CSMD3: variants seen among roughly 807,000 people sequenced by gnomAD.
CSMD3 encodes CUB and sushi domain-containing protein 3.
A neutral mutation model predicts 435.2 loss-of-function variants in CSMD3; 177 were observed. The observed-to-expected ratio is 0.41, with a 90% CI of 0.36 to 0.46. The LOEUF is 0.46. CSMD3 is among the 20% of genes least tolerant of loss of function. The probability of loss-of-function intolerance (pLI) is 0.34; values close to 1 mark genes in which losing one functional copy is unlikely to be tolerated. For missense variants in CSMD3, 4,265 were observed against 4,504.6 expected (o/e 0.95, Z 1.52); for synonymous variants, 1,656 against 1,520.5 (o/e 1.09, Z -2.07).
intron 3 of CSMD3, among the ~76,000 whole-genome samples, chr8:113,273,355 G>A (rs1473144788): frequency 2.6e-5 from 4 of 151,370 alleles, no homozygotes; most frequent in South Asian, 4.2e-4. Context: ...CCTTGTTATC[G>A]GTGACTTTGT....
At chr8:112,471,157 A>C (rs1347304598) in intron 32 of CSMD3, among the ~76,000 whole-genome samples, 1 of 152,152 alleles carries the variant, frequency 6.6e-6, no homozygotes, top group African/African-American at 2.4e-5. Flanking sequence ...TAAATGGCTA[A>C]TTTTCCTCTT....
rs183836359 is a variant in CSMD3 at position 113,230,775 on chromosome 8, T to G, written c.514+47817A>C. On this transcript the variant is annotated intron_variant, in intron 3 of 70. Coordinates refer to ENST00000297405, the MANE Select transcript of CSMD3 (RefSeq NM_198123.2). ...CATGTTGGTTTTTTATGTTTGAAAA[T>G]GGATATCAGATTATCATATTTTCTA... Among the ~76,000 whole-genome samples the G allele has an allele frequency of 1.6e-3, 249 of 151,654 alleles. 4 individuals carry two copies. The highest frequency in any genetic ancestry group is 0.016 in the Admixed American group (248 of 15,152).
intron 6 of CSMD3, among the ~76,000 whole-genome samples, chr8:112,982,744 T>C (rs1176169262): frequency 6.6e-6 from 1 of 152,014 alleles, no homozygotes; most frequent in Non-Finnish European, 1.5e-5. Context: ...ATATTTGATA[T>C]ATATGTGAGG....
chr8:112,420,548 T>C (rs1311996963), intron 32 of CSMD3, among the ~76,000 whole-genome samples: 2 of 152,168 alleles, frequency 1.3e-5, no homozygotes, highest in Non-Finnish European at 2.9e-5. Context: ...GATTGATGTG[T>C]TGCTAATGTT....
At chr8:113,259,732 G>A (rs2093411905) in intron 3 of CSMD3, among the ~76,000 whole-genome samples, 1 of 152,110 alleles carries the variant, frequency 6.6e-6, no homozygotes, top group Non-Finnish European at 1.5e-5. Context: ...ATGCTTTAAG[G>A]AGTGTTAAAA....
chr8:113,026,046 G>A (rs1365032844), intron 5 of CSMD3, among the ~76,000 whole-genome samples: 2 of 152,180 alleles, frequency 1.3e-5, no homozygotes, highest in East Asian at 3.9e-4. Flanking sequence ...CTGGGTCACA[G>A]GGATAGGGGG....
chr8:112,611,202 C>T lies in CSMD3; in HGVS notation c.3716-23967G>A, dbSNP rs144724855. Among the ~76,000 whole-genome samples, 409 of 152,202 alleles carry T rather than the reference C, an allele frequency of 2.7e-3. 1 individual carries two copies. The highest frequency in any genetic ancestry group is 0.021 in the Middle Eastern group (6 of 292). ...AATGCCACGCATAATGCAGGTAAAC[C>T]TTGACTTTACATCTGTGAATACAAA... On this transcript the variant is annotated intron_variant, in intron 22 of 70. Coordinates refer to ENST00000297405, the MANE Select transcript of CSMD3 (RefSeq NM_198123.2).
At chr8:113,399,440 G>C (rs2094499649) in intron 1 of CSMD3, among the ~76,000 whole-genome samples, 1 of 151,610 alleles carries the variant, frequency 6.6e-6, no homozygotes, top group Admixed American at 6.6e-5. Flanking sequence ...ACTGACAAAT[G>C]TCTAAATAAA....
intron 6 of CSMD3, among the ~76,000 whole-genome samples, chr8:113,016,997 GAAT>G (rs2086484067): frequency 1.3e-5 from 2 of 151,800 alleles, no homozygotes; most frequent in Non-Finnish European, 1.5e-5. Context: ...AGTTTTAAAA[GAAT>G]AATATGCAAA....
chr8:112,549,772 A>G (rs927041430), intron 27 of CSMD3, among the ~76,000 whole-genome samples: 1 of 151,986 alleles, frequency 6.6e-6, no homozygotes, highest in Non-Finnish European at 1.5e-5. Context: ...TGTTATTCCT[A>G]CGTCAATTAG....
At chr8:113,406,682 G>T (rs1166997613) in intron 1 of CSMD3, among the ~76,000 whole-genome samples, 2 of 151,714 alleles carry the variant, frequency 1.3e-5, no homozygotes, top group African/African-American at 4.8e-5. Context: ...ATTTTTTTCT[G>T]ATCTATTGTA....
At chr8:113,305,346 G>A (rs1337189699) in intron 2 of CSMD3, among the ~76,000 whole-genome samples, 1 of 152,116 alleles carries the variant, frequency 6.6e-6, no homozygotes, top group East Asian at 1.9e-4. Flanking sequence ...AATGTTTATG[G>A]AGCGTGAGTT....
chr8:112,974,608 T>C (rs2084778282), intron 7 of CSMD3, among the ~76,000 whole-genome samples: 1 of 151,880 alleles, frequency 6.6e-6, no homozygotes, highest in African/African-American at 2.4e-5. Flanking sequence ...ATATTTATAA[T>C]AGGAAAGTGA....
intron 8 of CSMD3, among the ~76,000 whole-genome samples, chr8:112,951,105 A>G (rs1186297173): frequency 6.6e-6 from 1 of 151,854 alleles, no homozygotes; most frequent in Non-Finnish European, 1.5e-5. Context: ...TTTTTAAATT[A>G]AGAAAAAAAG....
chr8:113,200,181 T>C (rs1017347352), intron 3 of CSMD3, among the ~76,000 whole-genome samples: 6 of 151,932 alleles, frequency 3.9e-5, no homozygotes, highest in African/African-American at 2.4e-5. Flanking sequence ...TTGTCCTTAT[T>C]TCTGTGACTC....
At chr8:113,104,847 A>T (rs1053479664) in intron 4 of CSMD3, among the ~76,000 whole-genome samples, 4 of 152,148 alleles carry the variant, frequency 2.6e-5, no homozygotes, top group African/African-American at 9.6e-5. Flanking sequence ...TAAAAAGAGC[A>T]AAGTATAATG....
chr8:113,249,630 T>C (rs1364021300), intron 3 of CSMD3, among the ~76,000 whole-genome samples: 1 of 152,090 alleles, frequency 6.6e-6, no homozygotes, highest in Admixed American at 6.6e-5. Flanking sequence ...GTGTTTTGAA[T>C]ATGGCATATA....
chr8:112,903,151 CAAAA>C, intron 10 of CSMD3, among the ~76,000 whole-genome samples: 1 of 53,792 alleles, frequency 1.9e-5, no homozygotes, highest in African/African-American at 7.1e-5. Flanking sequence ...GCAGTCTTGG[CAAAA>C]AAAAAAAAAA....
At chr8:113,024,178 T>A (rs181108770) in intron 5 of CSMD3, among the ~76,000 whole-genome samples, 20 of 152,252 alleles carry the variant, frequency 1.3e-4, no homozygotes, top group African/African-American at 3.8e-4. Flanking sequence ...ATATTTATCT[T>A]TCTGTTTCTG....
Sources: gnomAD v4.1 joint callset for allele counts (sites outside exome capture counted in the v4.1 genomes callset) on GRCh38, gnomAD v4.1.1 for gene constraint, MANE v1.5 for transcripts, NCBI Gene and HGNC (gene_info 2026-07-23, HGNC 2026-07-21) for gene names.